CCDC148: variants seen among roughly 807,000 people sequenced by gnomAD.
CCDC148 encodes coiled-coil domain-containing protein 148.
In CCDC148, 89 loss-of-function variants were observed where a neutral mutation model predicts 85.7. That is an observed-to-expected ratio of 1.04 (90% CI 0.87 to 1.24). CCDC148 has a LOEUF of 1.24. Ranked by LOEUF, CCDC148 falls within the 50% of genes most tolerant of loss-of-function variation. The pLI is 0.00. For synonymous variants in CCDC148, 230 were observed against 213.9 expected (o/e 1.08, Z -0.66); for missense variants, 692 against 671.7 (o/e 1.03, Z -0.33).
rs535174667 is a variant in CCDC148, at chr2:158,366,220, G to T, written c.26-7650C>A. On this transcript the variant is annotated intron_variant, in intron 1 of 13. Transcript: ENST00000283233. ...AATTTTATTAAAATTTGCTTTTCTT[G>T]CCCCTAGAAGCCTCCCTCTGTTAGT... 14 of 530,090 alleles carry T rather than the reference G, an allele frequency of 2.6e-5. No homozygotes were observed. The South Asian group carries it at 4.4e-4, about 17-fold the overall frequency. 32.8% of individuals were successfully genotyped at this position (530,090 alleles called of 1,614,324 possible). A position where few individuals can be genotyped will look rare whatever the true frequency, so the allele number is the denominator to read the frequency against.
intron 11 of CCDC148, among the ~76,000 whole-genome samples, chr2:158,180,268 G>A (rs1558961222): frequency 6.6e-6 from 1 of 152,132 alleles, no homozygotes; most frequent in Non-Finnish European, 1.5e-5. Context: ...ATCAGGTCTT[G>A]TGCTAAGTGC....
chr2:158,207,954 G>GACTGAC, intron 11 of CCDC148, among the ~76,000 whole-genome samples: 1 of 149,094 alleles, frequency 6.7e-6, no homozygotes, highest in Non-Finnish European at 1.5e-5. Flanking sequence ...ATTTTGATCT[G>GACTGAC]ACACACACAC....
chr2:158,347,820 C>T (rs1371000311), intron 2 of CCDC148, among the ~76,000 whole-genome samples: 1 of 151,792 alleles, frequency 6.6e-6, no homozygotes, highest in Non-Finnish European at 1.5e-5. Flanking sequence ...ATATGTTTGT[C>T]AAATTTCACT....
chr2:158,177,054 G>A lies in CCDC148; in HGVS notation c.1489-393C>T, dbSNP rs989409315. Among the ~76,000 whole-genome samples, 7 of 151,974 alleles carry A rather than the reference G, an allele frequency of 4.6e-5. No homozygotes were observed. The South Asian group carries it at 1.5e-3, about 32-fold the overall frequency. On this transcript the variant is annotated intron_variant, in intron 12 of 13. Coordinates refer to ENST00000283233, the MANE Select transcript of CCDC148 (RefSeq NM_138803.4). ...ACTTTTTGACCATTAGCAATTTATGGTTATGGTAACAACCCCATGAAGTTT... is the reference window on the plus strand; with the variant it reads ...ACTTTTTGACCATTAGCAATTTATGATTATGGTAACAACCCCATGAAGTTT...
chr2:158,210,787 C>CAAAAAAAAA (rs34273946), intron 11 of CCDC148, among the ~76,000 whole-genome samples: 283 of 88,874 alleles, frequency 3.2e-3, no homozygotes, highest in Non-Finnish European at 3.6e-3. Context: ...ACTAAAAATA[C>CAAAAAAAAA]AAAAAAAAAA....
chr2:158,315,553 G>A (rs767891454), intron 7 of CCDC148, among the ~76,000 whole-genome samples: 2 of 151,994 alleles, frequency 1.3e-5, no homozygotes, highest in African/African-American at 2.4e-5. Context: ...TGTGTGCCCT[G>A]GGAAGGGGGA....
chr2:158,284,641 G>A (rs1002407751), intron 9 of CCDC148, among the ~76,000 whole-genome samples: 9 of 152,150 alleles, frequency 5.9e-5, no homozygotes. Flanking sequence ...CTTTGGTCCT[G>A]GACTTTTAAT....
intron 9 of CCDC148, among the ~76,000 whole-genome samples, chr2:158,288,073 C>G (rs1479766585): frequency 1.3e-5 from 2 of 152,176 alleles, no homozygotes; most frequent in African/African-American, 4.8e-5. Flanking sequence ...CACAGCCTGA[C>G]CTGTACTTTG....
At chr2:158,444,197 A>T (rs549111301) in intron 1 of CCDC148, among the ~76,000 whole-genome samples, 132 of 150,816 alleles carry the variant, frequency 8.8e-4, no homozygotes, top group Non-Finnish European at 2.7e-4. Context: ...TCACATGCAT[A>T]CACACACATA....
intron 11 of CCDC148, among the ~76,000 whole-genome samples, chr2:158,209,749 A>G (rs985001109): frequency 2.0e-5 from 3 of 152,234 alleles, no homozygotes; most frequent in Non-Finnish European, 4.4e-5. Context: ...AATCCTTTAC[A>G]GACAAGCTAA....
intron 2 of CCDC148, among the ~76,000 whole-genome samples, chr2:158,346,898 T>A (rs1222481362): frequency 1.3e-5 from 2 of 152,052 alleles, no homozygotes; most frequent in African/African-American, 4.8e-5. Flanking sequence ...ATTAGGGGTA[T>A]AAGAAAACAA....
At chr2:158,178,854 A>T in intron 12 of CCDC148, 25 bp downstream of exon 12, 2 of 1,533,894 alleles carry the variant, frequency 1.3e-6, no homozygotes, top group South Asian at 2.3e-5. Context: ...AAAACCACCC[A>T]TGAAAATTTC....
intron 2 of CCDC148, among the ~76,000 whole-genome samples, chr2:158,351,157 T>G (rs1289090154): frequency 6.6e-6 from 1 of 152,194 alleles, no homozygotes; most frequent in Non-Finnish European, 1.5e-5. Context: ...ACTTCCAGGC[T>G]TATTTGATAA....
chr2:158,179,374 G>C (rs1272717391), intron 11 of CCDC148, among the ~76,000 whole-genome samples: 1 of 151,820 alleles, frequency 6.6e-6, no homozygotes, highest in East Asian at 1.9e-4. Flanking sequence ...GGCCAGGATG[G>C]TCTCAATCTC....
At chr2:158,291,841 A>C (rs1212137433) in intron 9 of CCDC148, among the ~76,000 whole-genome samples, 1 of 152,250 alleles carries the variant, frequency 6.6e-6, no homozygotes, top group Non-Finnish European at 1.5e-5. Flanking sequence ...AAATTACACC[A>C]TATAAAAGAA....
intron 1 of CCDC148, chr2:158,393,264 C>T (rs1356223301): frequency 1.3e-5 from 2 of 152,004 alleles, no homozygotes; most frequent in African/African-American, 2.4e-5. Flanking sequence ...AAAAATAGGT[C>T]GAATGCTGCC....
At chr2:158,187,802 A>G (rs1344840286) in intron 11 of CCDC148, among the ~76,000 whole-genome samples, 1 of 152,018 alleles carries the variant, frequency 6.6e-6, no homozygotes, top group Non-Finnish European at 1.5e-5. Context: ...GACTTCAACT[A>G]CAATCAGTGC....
chr2:158,455,485 A>G (rs902307638), intron 1 of CCDC148, among the ~76,000 whole-genome samples: 6 of 152,198 alleles, frequency 3.9e-5, no homozygotes, highest in Admixed American at 3.9e-4. Context: ...GTAGCAAAGC[A>G]TATCACCCAA....
At chr2:158,204,510 C>T (rs1328610884) in intron 11 of CCDC148, among the ~76,000 whole-genome samples, 1 of 152,102 alleles carries the variant, frequency 6.6e-6, no homozygotes, top group Non-Finnish European at 1.5e-5. Context: ...TCCTCTGAGG[C>T]CACTATGCTT....
Sources: gnomAD v4.1 joint callset for allele counts (sites outside exome capture counted in the v4.1 genomes callset) on GRCh38, gnomAD v4.1.1 for gene constraint, MANE v1.5 for transcripts, NCBI Gene and HGNC (gene_info 2026-07-23, HGNC 2026-07-21) for gene names.